The following SCN1A variants were observed in gnomAD, a reference collection of about 807,000 sequenced individuals.
SCN1A encodes the protein sodium channel protein type 1 subunit alpha.
A neutral mutation model predicts 193.7 loss-of-function variants in SCN1A; 13 were observed. That is an observed-to-expected ratio of 0.07 (90% confidence interval 0.04 to 0.11). The LOEUF (loss-of-function observed/expected upper bound fraction) is 0.11. Among genes scored for constraint, SCN1A ranks in the 10% least tolerant of loss-of-function variants. The pLI, the probability that SCN1A is intolerant of heterozygous loss-of-function variation, is 1.00. For missense variants in SCN1A, 1,432 were observed against 2,451.1 expected, an observed-to-expected ratio of 0.58 and a Z score of 8.78; for synonymous variants, 781 against 843.6, an observed-to-expected ratio of 0.93 and a Z score of 1.29.
chr2:166,122,457 G>A (rs1365053976), intron 2 of SCN1A, among the ~76,000 whole-genome samples: 2 of 151,972 alleles, frequency 1.3e-5, no homozygotes, highest in Non-Finnish European at 2.9e-5. Context: ...AATAGTTAAG[G>A]GTATATGGAT....
intron 26 of SCN1A, among the ~76,000 whole-genome samples, chr2:165,996,657 A>G (rs1170945468): frequency 6.6e-6 from 1 of 151,456 alleles, no homozygotes; most frequent in African/African-American, 2.4e-5. Context: ...ATAGCATAGT[A>G]AGTATGGGAC....
chr2:166,007,770 T>A (rs779306843), intron 23 of SCN1A, among the ~76,000 whole-genome samples: 1 of 151,460 alleles, frequency 6.6e-6, no homozygotes, highest in Non-Finnish European at 1.5e-5. Flanking sequence ...GAGTTACGCT[T>A]TGACGCAGCT....
rs138116101 is a variant in SCN1A at position 165,995,836 on chromosome 2, TTTAA to T, written c.4581+173_4581+176del. On this transcript the variant is annotated intron_variant, in intron 27 of 28. Transcript: ENST00000674923. The stretch of plus-strand genomic sequence containing the variant: ...TATTTCTTCTTGTTCTTTTTTGGTC[TTTAA>T]TTTTTTTTGTTGTTACCATTATCAT... 0.034 allele frequency among the ~76,000 whole-genome samples: 5,190 copies of T among 151,748 alleles called. 288 individuals are homozygous for T. Among genetic ancestry groups the T allele is most frequent in the African/African-American group, 0.12 (4,940 of 41,426 alleles).
chr2:166,141,421 G>T (rs1156254143), intron 1 of SCN1A, among the ~76,000 whole-genome samples: 1 of 151,916 alleles, frequency 6.6e-6, no homozygotes, highest in Non-Finnish European at 1.5e-5. Flanking sequence ...ACCAGGCATG[G>T]TGTTTCACAC....
At chr2:166,044,977 A>T in intron 13 of SCN1A, 66 bp downstream of exon 13, 2 of 1,470,396 alleles carry the variant, frequency 1.4e-6, no homozygotes, top group Non-Finnish European at 1.9e-6. Context: ...TCCATTTTCT[A>T]ATTCTCCCCC....
chr2:166,068,206 A>AT (rs887218783), intron 4 of SCN1A, among the ~76,000 whole-genome samples: 9 of 152,030 alleles, frequency 5.9e-5, no homozygotes, highest in African/African-American at 1.2e-4. Context: ...CATTTCCTTT[A>AT]TTTTTCCCCA....
chr2:166,047,086 T>C (rs1697930013), intron 11 of SCN1A, 110 bp from the exon 12 acceptor site: 2 of 1,250,396 alleles, frequency 1.6e-6, no homozygotes, highest in Admixed American at 1.9e-5. Context: ...ATAGTAATTA[T>C]GTTGGTCATA....
At chr2:166,033,899 T>G (rs1303062632) in intron 19 of SCN1A, among the ~76,000 whole-genome samples, 1 of 152,126 alleles carries the variant, frequency 6.6e-6, no homozygotes, top group East Asian at 1.9e-4. Flanking sequence ...TAAATGTAGG[T>G]CTAAAGATTC....
At chr2:166,101,400 C>T (rs1326308011) in intron 2 of SCN1A, among the ~76,000 whole-genome samples, 1 of 147,336 alleles carries the variant, frequency 6.8e-6, no homozygotes, top group African/African-American at 2.5e-5. Context: ...GGGAGATATA[C>T]CTAATGCTGG....
intron 23 of SCN1A, chr2:166,009,452 A>T: frequency 8.2e-6 from 2 of 244,716 alleles, no homozygotes; most frequent in Middle Eastern, 1.5e-3. Context: ...TTTTTTGTAT[A>T]TAGATTTGTA....
intron 19 of SCN1A, among the ~76,000 whole-genome samples, chr2:166,023,011 T>TA (rs961928999): frequency 1.1e-4 from 17 of 150,960 alleles, no homozygotes; most frequent in African/African-American, 2.4e-4. Flanking sequence ...CACAATAGGT[T>TA]AAAAAAAAAC....
At chr2:166,127,311 C>T (rs777872896) in intron 1 of SCN1A, among the ~76,000 whole-genome samples, 3 of 152,150 alleles carry the variant, frequency 2.0e-5, no homozygotes, top group South Asian at 2.1e-4. Context: ...GCAGCAGCCC[C>T]GCTGCCTTCT....
At position 166,043,768 on chromosome 2, in the gene SCN1A, A is replaced by C; in HGVS notation, c.1944T>G (p.Asn648Lys). 1 of 1,614,134 alleles carries C rather than the reference A, an allele frequency of 6.2e-7. No homozygotes were observed. Among genetic ancestry groups the C allele is most frequent in the Non-Finnish European group, 8.5e-7 (1 of 1,180,022 alleles). The stretch of plus-strand genomic sequence containing the variant: ...GTCCACCAACCAAGGAAACCACACC[A>C]TTGCAATCCACAGTGCTGTGCATCT... ...NGKMHSTVDC[N>K]GVVSLVGGPS... Residue 648 changes from asparagine to lysine, a missense_variant, in exon 14 of 29, where the codon AAT becomes AAG. This residue lies in a region of SCN1A where 316 missense variants were observed against 362.1 expected (regional missense o/e 0.87). Coordinates refer to ENST00000674923, the MANE Select transcript of SCN1A (RefSeq NM_001165963.4).
chr2:166,071,937 T>C (rs1446876059), intron 4 of SCN1A: 4 of 142,882 alleles, frequency 2.8e-5, no homozygotes, highest in Non-Finnish European at 6.1e-5. Context: ...AAACTGACTA[T>C]ATCCTGAAAA....
chr2:166,089,528 TAATC>T (rs1205480442), intron 2 of SCN1A, among the ~76,000 whole-genome samples: 1 of 152,022 alleles, frequency 6.6e-6, no homozygotes, highest in Non-Finnish European at 1.5e-5. Flanking sequence ...CAAAGTGGGT[TAATC>T]AATCAGAGAG....
rs1553543839 is a variant in SCN1A at position 166,042,312 on chromosome 2, A to T, written c.2156T>A (p.Ile719Asn). ...CCAACCTTCTACTGTATTTGTTAGA[A>T]TGCTGGCTATACTCATTGCTCGTTG... Reference protein sequence around the residue: ...QRQRAMSIASILTNTVEELEE... With the variant: ...QRQRAMSIASNLTNTVEELEE... The change falls in exon 15 of 29, where the codon ATT (isoleucine) becomes AAT (asparagine). Residue 719 changes from isoleucine to asparagine, a missense_variant. Ile to Asn is a moderately radical substitution (Grantham distance 149, BLOSUM62 -3). Around this residue, in one of 18 missense-constraint regions of SCN1A, gnomAD observed 316 missense variants for 362.1 expected, o/e 0.87. Transcript: ENST00000674923. 5 of 1,613,922 alleles carry T rather than the reference A, an allele frequency of 3.1e-6. No homozygotes were observed. The highest frequency in any genetic ancestry group is 4.2e-6 in the Non-Finnish European group (5 of 1,179,866).
At chr2:166,035,479 A>G (rs1200183320) in intron 19 of SCN1A, among the ~76,000 whole-genome samples, 1 of 152,194 alleles carries the variant, frequency 6.6e-6, no homozygotes, top group Non-Finnish European at 1.5e-5. Context: ...AAAATATATA[A>G]TAATAAATAC....
chr2:166,083,580 C>T (rs1229323142), intron 2 of SCN1A, among the ~76,000 whole-genome samples: 3 of 151,726 alleles, frequency 2.0e-5, no homozygotes, highest in African/African-American at 4.8e-5. Context: ...ATAGTTTTTG[C>T]CTGAGATTCA....
At chr2:166,065,167 C>A (rs1289969948) in intron 4 of SCN1A, among the ~76,000 whole-genome samples, 2 of 152,168 alleles carry the variant, frequency 1.3e-5, no homozygotes, top group Non-Finnish European at 2.9e-5. Flanking sequence ...TGGCAGAGTT[C>A]TGTCCTTGAA....
Sources: allele counts gnomAD v4.1 joint callset (sites outside exome capture counted in the v4.1 genomes callset), GRCh38; gene constraint gnomAD v4.1.1; regional missense constraint gnomAD v4.1.1; transcripts MANE v1.5; gene names NCBI Gene and HGNC (gene_info 2026-07-23, HGNC 2026-07-21).